The following EDEM2 variants were observed in gnomAD, a reference collection of about 807,000 sequenced individuals.
EDEM2 encodes ER degradation-enhancing alpha-mannosidase-like protein 2.
A neutral mutation model predicts 64.8 loss-of-function variants in EDEM2; 39 were observed. That is an observed-to-expected ratio of 0.60 (90% CI 0.47 to 0.79). The LOEUF (loss-of-function observed/expected upper bound fraction) is 0.79, where lower values mean the gene tolerates loss of function less well. EDEM2 is among the 30% of genes least tolerant of loss of function. EDEM2 has a pLI of 0.00. For synonymous variants in EDEM2, 296 were observed against 291.5 expected, an observed-to-expected ratio of 1.02 and a Z score of -0.16; for missense variants, 609 against 731.3, an observed-to-expected ratio of 0.83 and a Z score of 1.93.
intron 8 of EDEM2, among the ~76,000 whole-genome samples, chr20:35,124,521 C>A (rs2146092726): frequency 6.6e-6 from 1 of 152,264 alleles, no homozygotes; most frequent in African/African-American, 2.4e-5. Context: ...TCACCTCAGC[C>A]TCCCAGTGCT....
At chr20:35,133,612 A>G (rs1202530078) in intron 6 of EDEM2, among the ~76,000 whole-genome samples, 1 of 151,908 alleles carries the variant, frequency 6.6e-6, no homozygotes, top group Non-Finnish European at 1.5e-5. Context: ...GATTACAGGC[A>G]TGCACCACCA....
At chr20:35,129,392 G>A (rs1030083765) in intron 7 of EDEM2, among the ~76,000 whole-genome samples, 1 of 151,438 alleles carries the variant, frequency 6.6e-6, no homozygotes, top group Non-Finnish European at 1.5e-5. Context: ...GGGCAACAGA[G>A]TGAGACTCTG....
chr20:35,134,375 CT>C (rs1396086988), intron 6 of EDEM2, among the ~76,000 whole-genome samples: 1 of 152,010 alleles, frequency 6.6e-6, no homozygotes, highest in East Asian at 1.9e-4. Flanking sequence ...AACCGGTGTC[CT>C]AAGAAACACA....
intron 7 of EDEM2, 84 bp from the exon 8 acceptor site, chr20:35,126,459 C>T (rs922009367): frequency 1.3e-6 from 2 of 1,522,776 alleles, no homozygotes; most frequent in African/African-American, 1.4e-5. Context: ...CGAGAACTTA[C>T]ACTTTGGAAA....
intron 5 of EDEM2, among the ~76,000 whole-genome samples, chr20:35,136,209 TAAA>T (rs1025074543): frequency 4.6e-5 from 7 of 152,190 alleles, no homozygotes; most frequent in Non-Finnish European, 1.0e-4. Flanking sequence ...CAGGCTGTAA[TAAA>T]AAGAAGAGGA....
At chr20:35,139,349 CAAAA>C (rs57683623) in intron 4 of EDEM2, among the ~76,000 whole-genome samples, 1 of 89,346 alleles carries the variant, frequency 1.1e-5, no homozygotes. Flanking sequence ...GACTCCGTCT[CAAAA>C]AAAAAAAAAA....
intron 9 of EDEM2, 37 bp from the exon 10 acceptor site, chr20:35,118,756 C>T: frequency 1.2e-6 from 2 of 1,609,548 alleles, no homozygotes; most frequent in Non-Finnish European, 8.5e-7. Flanking sequence ...CACTCAGTGG[C>T]TGCACAGAGA....
At chr20:35,117,234 A>G (rs1254595015) in intron 10 of EDEM2, 3 of 152,254 alleles carry the variant, frequency 2.0e-5, no homozygotes, top group Non-Finnish European at 2.9e-5. Flanking sequence ...GAGAATTTCA[A>G]CTGAGTTTTC....
At chr20:35,140,419 G>GGT (rs2085637374) in intron 4 of EDEM2, among the ~76,000 whole-genome samples, 1 of 152,060 alleles carries the variant, frequency 6.6e-6, no homozygotes, top group Admixed American at 6.6e-5. Context: ...AGGAGGTGGA[G>GGT]GTGAGCCAAG....
intron 2 of EDEM2, among the ~76,000 whole-genome samples, 187 bp downstream of exon 2, chr20:35,146,638 T>C (rs1326330375): frequency 1.3e-5 from 2 of 152,208 alleles, no homozygotes; most frequent in Non-Finnish European, 2.9e-5. Context: ...GGACTTTTTT[T>C]TTCACTGCGA....
Position 35,147,157 on chromosome 20 carries a change from G to A in EDEM2, c.102C>T (p.His34=). 2 of 1,601,856 alleles carry A rather than the reference G, an allele frequency of 1.2e-6. No homozygotes were observed. Among genetic ancestry groups the A allele is most frequent in the Non-Finnish European group, 1.7e-6 (2 of 1,172,500 alleles). Residue 34 remains histidine, a synonymous_variant, in exon 1 of 11, where the codon CAC becomes CAT. Transcript: ENST00000374492. ...GPDGSAPDPA[H]YRERVKAMFY... ...AAGGGCGGGTCACAGTTCACCTGTAGTGGGCGGGATCTGGCGCGGAGCCGT... is the reference window on the plus strand; with the variant it reads ...AAGGGCGGGTCACAGTTCACCTGTAATGGGCGGGATCTGGCGCGGAGCCGT...
chr20:35,133,972 G>A, intron 6 of EDEM2: 1 of 401,116 alleles, frequency 2.5e-6, no homozygotes, highest in East Asian at 7.1e-5. Flanking sequence ...ACTTGCTCAG[G>A]GTCACACAGT....
intron 7 of EDEM2, among the ~76,000 whole-genome samples, chr20:35,128,841 G>T (rs1317021411): frequency 6.6e-6 from 1 of 150,602 alleles, no homozygotes; most frequent in East Asian, 1.9e-4. Context: ...TAGAGAATAA[G>T]GATATAAATA....
chr20:35,145,838 G>A (rs114948279), intron 2 of EDEM2, among the ~76,000 whole-genome samples: 13,652 of 151,672 alleles, frequency 0.09, 699 homozygotes, highest in South Asian at 0.16. Flanking sequence ...ACAAAACCCC[G>A]TCTCCACAAA....
intron 2 of EDEM2, among the ~76,000 whole-genome samples, chr20:35,145,956 C>A (rs1312502093): frequency 7.2e-6 from 1 of 138,488 alleles, no homozygotes; most frequent in Non-Finnish European, 1.5e-5. Flanking sequence ...GAGCCAAGAT[C>A]ACGCCATTGC....
At chr20:35,129,047 A>G (rs1420936829) in intron 7 of EDEM2, among the ~76,000 whole-genome samples, 2 of 150,208 alleles carry the variant, frequency 1.3e-5, no homozygotes, top group East Asian at 2.0e-4. Context: ...GGTGGAGATC[A>G]CCTGAGATCA....
chr20:35,139,214 G>T (rs550658546), intron 4 of EDEM2, among the ~76,000 whole-genome samples: 1 of 152,118 alleles, frequency 6.6e-6, no homozygotes, highest in Admixed American at 6.5e-5. Flanking sequence ...GCTGGGCGTG[G>T]TGGCAAGCGC....
chr20:35,125,822 T>A (rs1254870684), intron 8 of EDEM2, among the ~76,000 whole-genome samples: 1 of 152,188 alleles, frequency 6.6e-6, no homozygotes, highest in Admixed American at 6.5e-5. Context: ...TGGGGTAGAT[T>A]AGATAAGCTC....
chr20:35,138,780 T>G (rs2085613282), intron 4 of EDEM2, among the ~76,000 whole-genome samples: 1 of 151,562 alleles, frequency 6.6e-6, no homozygotes, highest in Non-Finnish European at 1.5e-5. Context: ...GACACGGTGT[T>G]TCACTGTGCT....
Sources: gnomAD v4.1 joint callset for allele counts (sites outside exome capture counted in the v4.1 genomes callset) on GRCh38, gnomAD v4.1.1 for gene constraint, MANE v1.5 for transcripts, NCBI Gene and HGNC (gene_info 2026-07-23, HGNC 2026-07-21) for gene names.